OR9Q1: variants seen among roughly 807,000 people sequenced by gnomAD.
OR9Q1 encodes olfactory receptor 9Q1.
For missense variants in OR9Q1, 374 were observed against 378.8 expected, an observed-to-expected ratio of 0.99 and a Z score of 0.11; for synonymous variants, 153 against 148.6, an observed-to-expected ratio of 1.03 and a Z score of -0.22.
chr11:58,135,861 C>A (rs920159162), intron 2 of OR9Q1, among the ~76,000 whole-genome samples: 1 of 152,218 alleles, frequency 6.6e-6, no homozygotes, highest in African/African-American at 2.4e-5. Context: ...AAGCTGATCT[C>A]TGAGCACTTA....
rs539890984 is a variant in OR9Q1, at chr11:58,030,770, T to G, written c.-93+6666T>G. On this transcript the variant is annotated intron_variant, in intron 1 of 2. Coordinates refer to ENST00000335397, the MANE Select transcript of OR9Q1 (RefSeq NM_001005212.4). ...CAGTGCATTTCATTTTGTACTAATA[T>G]TATTTGTTTTCTCATGTCCCTCATG... 8.2e-4 allele frequency among the ~76,000 whole-genome samples: 125 copies of G among 152,326 alleles called. 1 individual carries two copies. Among genetic ancestry groups the G allele is most frequent in the African/African-American group, 2.7e-3 (112 of 41,570 alleles).
At chr11:58,151,929 G>A (rs1001181407) in intron 2 of OR9Q1, among the ~76,000 whole-genome samples, 2 of 152,138 alleles carry the variant, frequency 1.3e-5, no homozygotes, top group African/African-American at 4.8e-5. Context: ...GGGGTAGAAA[G>A]ACACTCCAAG....
intron 2 of OR9Q1, chr11:58,144,448 ATT>A (rs1436446073): frequency 7.0e-6 from 1 of 142,380 alleles, no homozygotes; most frequent in Non-Finnish European, 1.6e-5. Flanking sequence ...TATTATTATT[ATT>A]TTTTAATTTC....
At chr11:58,169,360 T>C (rs1854534326) in intron 2 of OR9Q1, among the ~76,000 whole-genome samples, 3 of 152,140 alleles carry the variant, frequency 2.0e-5, no homozygotes, top group Non-Finnish European at 4.4e-5. Flanking sequence ...ATTTCCTCCT[T>C]TTTTCTTTTT....
chr11:58,155,283 T>C (rs1456125074), intron 2 of OR9Q1, among the ~76,000 whole-genome samples: 1 of 152,194 alleles, frequency 6.6e-6, no homozygotes, highest in African/African-American at 2.4e-5. Flanking sequence ...AGTACTCTGC[T>C]TTACTCAAAG....
intron 2 of OR9Q1, among the ~76,000 whole-genome samples, chr11:58,151,797 C>T (rs1260838633): frequency 6.6e-6 from 1 of 151,818 alleles, no homozygotes; most frequent in South Asian, 2.1e-4. Context: ...TAACCTTGCA[C>T]ACAGAATTAC....
intron 2 of OR9Q1, among the ~76,000 whole-genome samples, chr11:58,115,472 A>G (rs971765819): frequency 2.0e-5 from 3 of 152,232 alleles, no homozygotes; most frequent in African/African-American, 4.8e-5. Flanking sequence ...CATATATCAA[A>G]GCATGATGTT....
At chr11:58,109,529 T>TC (rs1565078160) in intron 2 of OR9Q1, 1 of 457,892 alleles carries the variant, frequency 2.2e-6, no homozygotes, top group Non-Finnish European at 4.4e-6. Context: ...AGAATGATCA[T>TC]CCCCCCATTC....
At chr11:58,033,010 C>T (rs1853059079) in intron 1 of OR9Q1, among the ~76,000 whole-genome samples, 1 of 152,192 alleles carries the variant, frequency 6.6e-6, no homozygotes, top group Admixed American at 6.5e-5. Context: ...AAAAAATTCT[C>T]ATCATCACTA....
At chr11:58,171,962 T>C (rs1156385084) in intron 2 of OR9Q1, among the ~76,000 whole-genome samples, 1 of 152,102 alleles carries the variant, frequency 6.6e-6, no homozygotes, top group Non-Finnish European at 1.5e-5. Flanking sequence ...TATTGATAAA[T>C]ACTTGAAATT....
At chr11:58,146,967 G>A (rs1590615180) in intron 2 of OR9Q1, among the ~76,000 whole-genome samples, 1 of 152,156 alleles carries the variant, frequency 6.6e-6, no homozygotes, top group East Asian at 1.9e-4. Flanking sequence ...GAAATGATCA[G>A]ATACGAATTT....
At chr11:58,039,251 A>G (rs980060419) in intron 1 of OR9Q1, among the ~76,000 whole-genome samples, 2 of 152,150 alleles carry the variant, frequency 1.3e-5, no homozygotes, top group African/African-American at 2.4e-5. Context: ...GGCCTCCCCA[A>G]GTTCTGGGAT....
intron 2 of OR9Q1, among the ~76,000 whole-genome samples, chr11:58,089,187 G>A (rs1160979243): frequency 2.6e-5 from 4 of 151,700 alleles, no homozygotes; most frequent in Admixed American, 1.3e-4. Flanking sequence ...CGTTGCAATT[G>A]GATTTAGTGT....
At chr11:58,123,144 TG>T (rs1854052759) in intron 2 of OR9Q1, among the ~76,000 whole-genome samples, 1 of 152,204 alleles carries the variant, frequency 6.6e-6, no homozygotes, top group Non-Finnish European at 1.5e-5. Flanking sequence ...GAGATTAATT[TG>T]TCTAAAATTA....
chr11:58,076,120 G>T (rs1399282602), intron 2 of OR9Q1, among the ~76,000 whole-genome samples: 2 of 152,160 alleles, frequency 1.3e-5, no homozygotes, highest in Non-Finnish European at 2.9e-5. Context: ...TTACTCTCTG[G>T]CCCTTTATGG....
chr11:58,055,508 G>T (rs1380811738), intron 1 of OR9Q1, among the ~76,000 whole-genome samples: 2 of 152,052 alleles, frequency 1.3e-5, no homozygotes, highest in African/African-American at 4.8e-5. Context: ...TTGTAAAAGG[G>T]CTGGAGGAGG....
At chr11:58,105,974 A>G (rs903740262) in intron 2 of OR9Q1, among the ~76,000 whole-genome samples, 3 of 152,102 alleles carry the variant, frequency 2.0e-5, no homozygotes, top group East Asian at 1.9e-4. Context: ...TCTTTTGGAT[A>G]TATGTCCAGG....
intron 1 of OR9Q1, among the ~76,000 whole-genome samples, chr11:58,053,670 AT>A (rs1156858387): frequency 1.1e-4 from 16 of 146,686 alleles, no homozygotes; most frequent in Non-Finnish European, 7.5e-5. Context: ...AAATATATAT[AT>A]AAAATAAAAA....
intron 2 of OR9Q1, chr11:58,119,357 C>G: frequency 6.2e-7 from 1 of 1,613,828 alleles, no homozygotes. Context: ...CTCAGAAACA[C>G]CAGAAAGAGG....
Sources: gnomAD v4.1 joint callset for allele counts (sites outside exome capture counted in the v4.1 genomes callset) on GRCh38, gnomAD v4.1.1 for gene constraint, MANE v1.5 for transcripts, NCBI Gene and HGNC (gene_info 2026-07-23, HGNC 2026-07-21) for gene names.